Variants in TECPR2 observed in about 807,000 individuals in gnomAD.
The protein encoded by TECPR2 is tectonin beta-propeller repeat-containing protein 2.
In TECPR2, 65 loss-of-function variants were observed where a neutral mutation model predicts 138.1. The observed-to-expected ratio is 0.47, with a 90% CI of 0.39 to 0.58. The LOEUF (loss-of-function observed/expected upper bound fraction) is 0.58. Ranked by LOEUF, TECPR2 falls within the 20% of genes least tolerant of loss-of-function variation. TECPR2 has a pLI of 0.00. For synonymous variants in TECPR2, 746 were observed against 749.8 expected (o/e 0.99, Z 0.08); for missense variants, 1,553 against 1,824.5 (o/e 0.85, Z 2.71).
chr14:102,497,889 T>C (rs1891332320), intron 19 of TECPR2, among the ~76,000 whole-genome samples, 170 bp downstream of exon 19: 1 of 152,192 alleles, frequency 6.6e-6, no homozygotes, highest in African/African-American at 2.4e-5. Context: ...GCTGGACACC[T>C]GGGCTCTGCC....
In TECPR2 at chr14:102,420,582, C is replaced by T. The variant is rs907216828; in HGVS notation, c.639-4397C>T. Among the ~76,000 whole-genome samples the T allele has an allele frequency of 6.6e-6, 1 of 152,142 alleles. No homozygotes were observed. The highest frequency in any genetic ancestry group is 2.4e-5 in the African/African-American group (1 of 41,428). On this transcript the variant is annotated intron_variant, in intron 5 of 19. Coordinates refer to ENST00000359520, the MANE Select transcript of TECPR2 (RefSeq NM_014844.5). This position sits in a 1 kb window ranked among gnomAD's most constrained non-coding sequence, Gnocchi z 4.1. ...TGAACAGCTGGGTTCAGGCGATCCT[C>T]CTCCCTCAGCCTCCCGAGTAACTAG...
intron 2 of TECPR2, among the ~76,000 whole-genome samples, chr14:102,393,403 T>A (rs1483673873): frequency 6.6e-6 from 1 of 152,216 alleles, no homozygotes; most frequent in African/African-American, 2.4e-5. Context: ...TTTTGATTCT[T>A]ACATCAATAA....
chr14:102,405,608 A>AT (rs1237955529), intron 2 of TECPR2, among the ~76,000 whole-genome samples: 2 of 152,216 alleles, frequency 1.3e-5, no homozygotes, highest in African/African-American at 4.8e-5. Flanking sequence ...AGAAAACAGT[A>AT]TGGTGGTTGC....
chr14:102,465,590 A>G (rs1241099562), intron 17 of TECPR2: 3 of 1,066,752 alleles, frequency 2.8e-6, no homozygotes, highest in Non-Finnish European at 1.1e-6. Flanking sequence ...AAATCTGCCT[A>G]TATATTGGAA....
Position 102,420,814 on chromosome 14 carries a change from C to T in TECPR2, c.639-4165C>T, listed in dbSNP as rs1235193318. 6.6e-6 allele frequency among the ~76,000 whole-genome samples: 1 copy of T among 152,136 alleles called. No homozygotes were observed. The highest frequency in any genetic ancestry group is 1.5e-5 in the Non-Finnish European group (1 of 68,032). On this transcript the variant is annotated intron_variant, in intron 5 of 19. Transcript: ENST00000359520. The surrounding 1 kb of genome is among the most constrained non-coding windows in gnomAD (Gnocchi z 4.1). ...CAGCCACTCCCAGGACCTTGCTCAG[C>T]AGGGCTCCTTTCCCTTCCTCCAGGG...
chr14:102,486,657 A>C (rs537247145), intron 17 of TECPR2, among the ~76,000 whole-genome samples: 2 of 152,318 alleles, frequency 1.3e-5, no homozygotes, highest in Non-Finnish European at 2.9e-5. Context: ...GAGAGAGCTC[A>C]GCACAGCAGG....
chr14:102,463,430 AAAAAAAAAAGAAAAAAAC>A (rs1184704295), intron 16 of TECPR2, among the ~76,000 whole-genome samples: 5 of 151,060 alleles, frequency 3.3e-5, no homozygotes, highest in Non-Finnish European at 7.4e-5. Context: ...AAAAAAAAAA[AAAAAAAAAAGAAAAAAAC>A]AAAAAAACAG....
chr14:102,362,943 T>C lies in TECPR2; in HGVS notation c.-246T>C. On this transcript the variant is annotated 5_prime_UTR_variant, in exon 1 of 20. Coordinates refer to ENST00000359520, the MANE Select transcript of TECPR2 (RefSeq NM_014844.5). The stretch of plus-strand genomic sequence containing the variant: ...TCACGTCCGCCCCGCCCGCTGCCAC[T>C]TGTGGCTCTGCCGCTCTAGCCCCCG... 9 of 1,519,000 alleles carry C rather than the reference T, an allele frequency of 5.9e-6. No individual in the cohort carries two copies. The highest frequency in any genetic ancestry group is 2.3e-5 in the South Asian group (2 of 85,982). 94.1% of individuals were successfully genotyped at this position (1,519,000 alleles called of 1,614,324 possible).
intron 9 of TECPR2, 94 bp downstream of exon 9, chr14:102,435,305 A>G: frequency 6.8e-7 from 1 of 1,480,502 alleles, no homozygotes; most frequent in Non-Finnish European, 8.9e-7. Context: ...CATGGAAAGA[A>G]ATTCTATTCC....
chr14:102,413,087 C>G (rs1164641332), intron 4 of TECPR2, among the ~76,000 whole-genome samples: 1 of 151,806 alleles, frequency 6.6e-6, no homozygotes, highest in African/African-American at 2.4e-5. Flanking sequence ...AGAGCCAGAA[C>G]CTGTCTCAAA....
chr14:102,372,809 A>G (rs1428580888), intron 1 of TECPR2, among the ~76,000 whole-genome samples: 6 of 151,942 alleles, frequency 3.9e-5, no homozygotes, highest in Admixed American at 3.9e-4. Context: ...AATCCCAGCT[A>G]CTCGGGAGGC....
intron 8 of TECPR2, among the ~76,000 whole-genome samples, chr14:102,432,508 C>T (rs1423962357): frequency 6.6e-6 from 1 of 152,022 alleles, no homozygotes; most frequent in Non-Finnish European, 1.5e-5. Context: ...AACCTCACCT[C>T]CTGAGTTCAA....
intron 3 of TECPR2, among the ~76,000 whole-genome samples, chr14:102,407,758 A>AG (rs1306069508): frequency 6.6e-6 from 1 of 152,174 alleles, no homozygotes; most frequent in Non-Finnish European, 1.5e-5. Context: ...GCACTTTGGG[A>AG]GGCCGAGGCA....
chr14:102,481,916 G>T (rs1229028024), intron 17 of TECPR2, among the ~76,000 whole-genome samples: 1 of 152,186 alleles, frequency 6.6e-6, no homozygotes, highest in East Asian at 1.9e-4. Flanking sequence ...GTGCTTCCTG[G>T]GCACGGGCCT....
intron 17 of TECPR2, among the ~76,000 whole-genome samples, chr14:102,469,446 A>G (rs1464573502): frequency 6.6e-6 from 1 of 152,162 alleles, no homozygotes; most frequent in Non-Finnish European, 1.5e-5. Context: ...TATTGGGTCT[A>G]ACAGGTTTTT....
intron 15 of TECPR2, 68 bp downstream of exon 15, chr14:102,450,717 A>T: frequency 6.6e-7 from 1 of 1,511,996 alleles, no homozygotes; most frequent in Non-Finnish European, 9.2e-7. Context: ...TTCAAACCAC[A>T]GTCGGACTGT....
At chr14:102,418,136 CCAG>C (rs1889078803) in intron 5 of TECPR2, among the ~76,000 whole-genome samples, 1 of 152,042 alleles carries the variant, frequency 6.6e-6, no homozygotes, top group Non-Finnish European at 1.5e-5. Context: ...GGTCTGGAGC[CCAG>C]GGAAGAAGTC....
At position 102,497,203 on chromosome 14, in the gene TECPR2, G is replaced by T; in HGVS notation, c.3931+83G>T. 2.6e-6 allele frequency: 4 copies of T among 1,520,766 alleles called. No individual in the cohort carries two copies. The East Asian group carries it at 9.3e-5, about 35-fold the overall frequency. 94.2% of individuals were successfully genotyped at this position (1,520,766 alleles called of 1,614,324 possible). On this transcript the variant is annotated intron_variant, in intron 18 of 19. Coordinates refer to ENST00000359520, the MANE Select transcript of TECPR2 (RefSeq NM_014844.5). The stretch of plus-strand genomic sequence containing the variant: ...GGCTGCTGGGCGCTCCCTCCAGGCC[G>T]CTGTCTGTGAGGCAGCCTTTGTGCT...
chr14:102,380,568 G>A (rs1007044186), intron 2 of TECPR2, among the ~76,000 whole-genome samples: 7 of 152,202 alleles, frequency 4.6e-5, no homozygotes, highest in African/African-American at 1.7e-4. Flanking sequence ...TCCCTCCTAC[G>A]ACATGTGGGG....
Sources: allele counts gnomAD v4.1 joint callset (sites outside exome capture counted in the v4.1 genomes callset), GRCh38; gene constraint gnomAD v4.1.1; non-coding constraint Gnocchi (gnomAD v3.1); transcripts MANE v1.5; gene names NCBI Gene and HGNC (gene_info 2026-07-23, HGNC 2026-07-21).